The following USP4 variants were observed in gnomAD, a reference collection of about 807,000 sequenced individuals.
USP4 encodes the protein ubiquitin specific peptidase 4.
Under a neutral mutation model 118.2 loss-of-function variants are expected in USP4, and 72 were observed. The observed-to-expected ratio is 0.61, with a 90% CI of 0.50 to 0.74. The LOEUF (loss-of-function observed/expected upper bound fraction) is 0.74. Among genes scored for constraint, USP4 ranks in the 30% least tolerant of loss-of-function variants. The probability of loss-of-function intolerance (pLI) is 0.00; values close to 1 mark genes in which losing one functional copy is unlikely to be tolerated. For synonymous variants in USP4, 415 were observed against 440.4 expected (o/e 0.94, Z 0.72); for missense variants, 1,037 against 1,185.7 (o/e 0.87, Z 1.84).
chr3:49,295,316 A>G (rs2047192788), intron 13 of USP4, among the ~76,000 whole-genome samples: 1 of 150,176 alleles, frequency 6.7e-6, no homozygotes, highest in Non-Finnish European at 1.5e-5. Context: ...AAAAAAAAAA[A>G]AGCATTGAGT....
chr3:49,310,711 T>C lies in USP4; in HGVS notation c.863A>G (p.Asn288Ser). 1 of 1,614,084 alleles carries C rather than the reference T, an allele frequency of 6.2e-7. No individual in the cohort carries two copies. Among genetic ancestry groups the C allele is most frequent in the Non-Finnish European group, 8.5e-7 (1 of 1,180,018 alleles). ...RGGSGFSASY[N>S]CQEPPSSHIQ... Reference sequence around the variant, plus strand: ...ATGAGAGGATGGTGGCTCCTGACAATTATACGAAGCAGAAAAGCCAGATCC... The same window carrying C: ...ATGAGAGGATGGTGGCTCCTGACAACTATACGAAGCAGAAAAGCCAGATCC... Residue 288 changes from asparagine to serine, a missense_variant, in exon 8 of 22, where the codon AAT becomes AGT. By Grantham distance (46) the Asn-to-Ser change is conservative. Transcript: ENST00000265560.
intron 10 of USP4, among the ~76,000 whole-genome samples, chr3:49,300,957 T>C (rs1379497794): frequency 7.2e-5 from 11 of 152,090 alleles, no homozygotes; most frequent in Non-Finnish European, 1.5e-5. Context: ...ATATATTATA[T>C]TGATTGATTG....
intron 2 of USP4, among the ~76,000 whole-genome samples, chr3:49,334,091 G>A (rs1380848791): frequency 1.3e-5 from 2 of 152,126 alleles, no homozygotes; most frequent in Non-Finnish European, 2.9e-5. Context: ...GAAGTATTTT[G>A]AGAATTACCA....
rs772335940 is a variant in USP4 at position 49,294,437 on chromosome 3, G to C, written c.1853C>G (p.Ser618Cys). The C allele has an allele frequency of 1.9e-6, 3 of 1,613,942 alleles. No homozygotes were observed. Among genetic ancestry groups the C allele is most frequent in the South Asian group, 2.2e-5 (2 of 91,060 alleles). The change falls in exon 14 of 22, where the codon TCT becomes TGT. Residue 618 changes from serine to cysteine, a missense_variant. By Grantham distance (112) the Ser-to-Cys change is moderately radical. Transcript: ENST00000265560. ...ACGATCACAAACAGCCTGGTACAAA[G>C]ACTCAAGGGTTAACTTGTGCTTGGG... Reference protein sequence around the residue: ...SVPKHKLTLESLYQAVCDRIS... With the variant: ...SVPKHKLTLECLYQAVCDRIS...
chr3:49,311,419 C>A lies in USP4; in HGVS notation c.836+95G>T, dbSNP rs972969030. ...GCATGTTCCCATGAGGAACTCTAAC[C>A]CCACTATGCTTAGTGGAGCAGCAGA... On this transcript the variant is annotated intron_variant, in intron 7 of 21. Coordinates refer to ENST00000265560, the MANE Select transcript of USP4 (RefSeq NM_003363.4). The A allele has an allele frequency of 9.6e-6, 13 of 1,349,758 alleles. No individual in the cohort carries two copies. The East Asian group carries it at 1.6e-4, about 17-fold the overall frequency. The allele number at this position is 1,349,758 out of a possible 1,614,324, so 83.6% of individuals were successfully genotyped here.
At chr3:49,325,088 TAAAG>T in intron 4 of USP4, 49 bp from the exon 5 acceptor site, 1 of 1,591,754 alleles carries the variant, frequency 6.3e-7, no homozygotes, top group Non-Finnish European at 8.5e-7. Flanking sequence ...CATGCAAGGC[TAAAG>T]ACAGCCATGG....
chr3:49,278,135 C>T lies in USP4; in HGVS notation c.*158G>A, dbSNP rs929933608. On this transcript the variant is annotated 3_prime_UTR_variant, in exon 22 of 22. Transcript: ENST00000265560. ...CTTGACATAGCTTCTTCTAGGTAAA[C>T]GGTCTTCTTTTTTTTTTTTTGTTTC... 2.6e-6 allele frequency: 2 copies of T among 779,214 alleles called. No individual in the cohort carries two copies. Among genetic ancestry groups the T allele is most frequent in the African/African-American group, 2.9e-5 (1 of 35,084 alleles). The allele number at this position is 779,214 out of a possible 1,614,324, so 48.3% of individuals were successfully genotyped here. A position where few individuals can be genotyped will look rare whatever the true frequency, so the allele number is the denominator to read the frequency against.
chr3:49,338,249 C>G (rs1253802564), intron 1 of USP4, among the ~76,000 whole-genome samples: 2 of 152,004 alleles, frequency 1.3e-5, no homozygotes, highest in African/African-American at 4.8e-5. Flanking sequence ...TATTTTTCTT[C>G]CAAATCCCTT....
chr3:49,323,921 C>T (rs1365888262), intron 6 of USP4, among the ~76,000 whole-genome samples: 2 of 152,158 alleles, frequency 1.3e-5, no homozygotes, highest in Non-Finnish European at 2.9e-5. Flanking sequence ...CTGAACAATT[C>T]ACCCAGCAAG....
intron 6 of USP4, chr3:49,317,227 T>A: frequency 6.5e-7 from 1 of 1,530,456 alleles, no homozygotes; most frequent in East Asian, 2.3e-5. Flanking sequence ...GATGGTCTGG[T>A]AGAACTTACT....
chr3:49,302,371 A>T lies in USP4; in HGVS notation c.1287+13T>A, dbSNP rs1374990023. 10 of 1,612,862 alleles carry T rather than the reference A, an allele frequency of 6.2e-6. No homozygotes were observed. Among genetic ancestry groups the T allele is most frequent in the Non-Finnish European group, 8.5e-6 (10 of 1,179,670 alleles). Reference sequence around the variant, plus strand: ...TTTGGCATATTATCATTCAGACATCATTAATGGCATACCGCATCTGGCCGC... The same window carrying T: ...TTTGGCATATTATCATTCAGACATCTTTAATGGCATACCGCATCTGGCCGC... On this transcript the variant is annotated intron_variant, in intron 10 of 21. Coordinates refer to ENST00000265560, the MANE Select transcript of USP4 (RefSeq NM_003363.4).
At chr3:49,323,254 A>G (rs1575618429) in intron 6 of USP4, among the ~76,000 whole-genome samples, 1 of 140,066 alleles carries the variant, frequency 7.1e-6, no homozygotes, top group Non-Finnish European at 1.5e-5. Context: ...GGCATGAGCC[A>G]CTGCTCCTGG....
chr3:49,316,642 C>G (rs1465450246), intron 6 of USP4: 2 of 168,868 alleles, frequency 1.2e-5, no homozygotes, highest in Admixed American at 1.1e-4. Context: ...TTCATTCATT[C>G]AATCATTTAT....
At chr3:49,308,199 A>G (rs2047339720) in intron 8 of USP4, among the ~76,000 whole-genome samples, 1 of 152,148 alleles carries the variant, frequency 6.6e-6, no homozygotes, top group African/African-American at 2.4e-5. Context: ...AGAACTGTAC[A>G]GTCTAGTCCT....
chr3:49,285,015 C>T, intron 16 of USP4, 96 bp from the exon 17 acceptor site: 2 of 853,450 alleles, frequency 2.3e-6, no homozygotes, highest in South Asian at 3.1e-5. Context: ...TCAGGCCACA[C>T]CATCAACACC....
chr3:49,315,777 G>A (rs1156861959), intron 6 of USP4, among the ~76,000 whole-genome samples: 1 of 152,144 alleles, frequency 6.6e-6, no homozygotes, highest in Non-Finnish European at 1.5e-5. Flanking sequence ...TAACATCCCT[G>A]TGCCCAGGCC....
chr3:49,313,233 A>C (rs971933765), intron 6 of USP4, among the ~76,000 whole-genome samples: 1 of 152,164 alleles, frequency 6.6e-6, no homozygotes, highest in African/African-American at 2.4e-5. Flanking sequence ...AGGCAAAGAA[A>C]AATGGCAATA....
intron 2 of USP4, among the ~76,000 whole-genome samples, chr3:49,332,886 A>AT (rs1178925999): frequency 6.6e-6 from 1 of 151,602 alleles, no homozygotes; most frequent in Non-Finnish European, 1.5e-5. Context: ...AAATACAATA[A>AT]TTAGTCGAGT....
In USP4 at chr3:49,339,844, C is replaced by T. The variant is rs1457672417; in HGVS notation, c.101+80G>A. ...CACTACATACCATCCCCGCCCAGCC[C>T]CTACTCTAGCCGAGAAAAAGGAGGC... On this transcript the variant is annotated intron_variant, in intron 1 of 21. Coordinates refer to ENST00000265560, the MANE Select transcript of USP4 (RefSeq NM_003363.4). The T allele has an allele frequency of 8.3e-6, 10 of 1,198,102 alleles. No individual in the cohort carries two copies. The African/African-American group carries it at 1.5e-4, about 18-fold the overall frequency. The allele number at this position is 1,198,102 out of a possible 1,614,324, so 74.2% of individuals were successfully genotyped here.
Sources: gnomAD v4.1 joint callset for allele counts (sites outside exome capture counted in the v4.1 genomes callset) on GRCh38, gnomAD v4.1.1 for gene constraint, MANE v1.5 for transcripts, NCBI Gene and HGNC (gene_info 2026-07-23, HGNC 2026-07-21) for gene names.